The following VPS13C variants were observed in gnomAD, a reference collection of about 807,000 sequenced individuals.
VPS13C encodes intermembrane lipid transfer protein VPS13C.
A neutral mutation model predicts 456.8 loss-of-function variants in VPS13C; 358 were observed. The ratio of observed to expected loss-of-function variants is 0.78; its 90% CI spans 0.72 to 0.86. VPS13C has a LOEUF of 0.86. Among genes scored for constraint, VPS13C ranks in the 40% least tolerant of loss-of-function variants. The pLI is 0.00. For synonymous variants in VPS13C, 1,578 were observed against 1,486.7 expected (o/e 1.06, Z -1.41); for missense variants, 4,818 against 4,385.4 (o/e 1.10, Z -2.79).
rs2047315414 is a variant in VPS13C, at chr15:62,017,870, C to T, written c.684+2609G>A. Among the ~76,000 whole-genome samples, 4 of 152,178 alleles carry T rather than the reference C, an allele frequency of 2.6e-5. No individual in the cohort carries two copies. The South Asian group carries it at 6.2e-4, about 24-fold the overall frequency. On this transcript the variant is annotated intron_variant, in intron 9 of 84. Coordinates refer to ENST00000644861, the MANE Select transcript of VPS13C (RefSeq NM_020821.3). ...GGATGGCACTGAATCTATAAATTAT[C>T]TTGGGCAGTATGGCCATTTTCACGA...
intron 22 of VPS13C, among the ~76,000 whole-genome samples, 196 bp from the exon 23 acceptor site, chr15:61,978,945 C>T (rs1053129696): frequency 2.0e-5 from 3 of 152,152 alleles, no homozygotes; most frequent in African/African-American, 7.2e-5. Context: ...TACATCTCTA[C>T]TAAAGTTGAG....
chr15:61,901,560 A>T (rs1414136382), intron 66 of VPS13C, among the ~76,000 whole-genome samples: 2 of 152,230 alleles, frequency 1.3e-5, no homozygotes, highest in East Asian at 3.8e-4. Context: ...AACCCCAATG[A>T]GATACCATCT....
In VPS13C at chr15:61,870,655, A is replaced by C. The variant is rs148373023; in HGVS notation, c.10625-1032T>G. Reference sequence around the variant, plus strand: ...TTCTGGGTATAAACCTAGGAGTAGAATTGCTGGGACACATGGTGACTCTGT... The same window carrying C: ...TTCTGGGTATAAACCTAGGAGTAGACTTGCTGGGACACATGGTGACTCTGT... On this transcript the variant is annotated intron_variant, in intron 79 of 84. Transcript: ENST00000644861. 9.5e-4 allele frequency among the ~76,000 whole-genome samples: 144 copies of C among 152,278 alleles called. 1 individual carries two copies. Among genetic ancestry groups the C allele is most frequent in the African/African-American group, 3.4e-3 (141 of 41,546 alleles).
chr15:61,973,494 A>G lies in VPS13C; in HGVS notation c.2577T>C (p.Gly859=). 6.2e-7 allele frequency: 1 copy of G among 1,612,832 alleles called. No individual in the cohort carries two copies. Residue 859 remains glycine (G), a synonymous_variant, in exon 26 of 85, where the codon GGT becomes GGC. Transcript: ENST00000644861. The part of the protein sequence containing the change: ...SIPIISGGTK[G]LLGTSLLLDT... ...CTAGCAATAGTGAAGTACCAAGTAG[A>G]CCTTTTGTACCACCTGAAATAATAG...
At chr15:61,975,772 G>C (rs2045684503) in intron 24 of VPS13C, among the ~76,000 whole-genome samples, 1 of 151,956 alleles carries the variant, frequency 6.6e-6, no homozygotes, top group South Asian at 2.1e-4. Context: ...TCATTATCCT[G>C]ATACCAAAAC....
At chr15:61,884,051 G>A in intron 68 of VPS13C, 77 bp downstream of exon 68, 1 of 1,327,466 alleles carries the variant, frequency 7.5e-7, no homozygotes, top group Non-Finnish European at 1.0e-6. Context: ...GTCTTTACTT[G>A]GGCATTACAA....
intron 24 of VPS13C, among the ~76,000 whole-genome samples, chr15:61,976,174 A>C (rs1008784177): frequency 3.3e-5 from 5 of 151,980 alleles, no homozygotes; most frequent in Non-Finnish European, 1.5e-5. Flanking sequence ...TGGTCTTTGG[A>C]TTAGGGATGT....
chr15:61,930,988 C>T (rs2044034309), intron 50 of VPS13C, 102 bp downstream of exon 50: 1 of 1,350,464 alleles, frequency 7.4e-7, no homozygotes, highest in Non-Finnish European at 1.0e-6. Flanking sequence ...GACCAAAAGA[C>T]AGAGATCTTT....
At position 61,883,428 on chromosome 15, in the gene VPS13C, G is replaced by T. The variant is rs1459242112; in HGVS notation, c.9484-692C>A. ...AATTATATAGTTTTTTATCATTTAA[G>T]TATGGCCAAAATTGGTGGGGGTGCT... On this transcript the variant is annotated intron_variant, in intron 68 of 84. Coordinates refer to ENST00000644861, the MANE Select transcript of VPS13C (RefSeq NM_020821.3). Among the ~76,000 whole-genome samples the T allele has an allele frequency of 2.0e-5, 3 of 152,064 alleles. No individual in the cohort carries two copies. The East Asian group carries it at 5.8e-4, about 29-fold the overall frequency.
chr15:61,903,936 G>C (rs530592337), intron 66 of VPS13C, among the ~76,000 whole-genome samples: 22 of 152,232 alleles, frequency 1.4e-4, no homozygotes, highest in Admixed American at 3.3e-4. Flanking sequence ...TATGATGCAG[G>C]AGAATTAAAC....
intron 45 of VPS13C, among the ~76,000 whole-genome samples, chr15:61,944,290 T>C (rs1376852276): frequency 1.3e-5 from 2 of 152,152 alleles, no homozygotes; most frequent in Non-Finnish European, 2.9e-5. Flanking sequence ...ACTGGGTATA[T>C]AACCAAAAGA....
At chr15:61,998,784 T>A (rs1256170821) in intron 16 of VPS13C, among the ~76,000 whole-genome samples, 1 of 152,146 alleles carries the variant, frequency 6.6e-6, no homozygotes, top group African/African-American at 2.4e-5. Flanking sequence ...TGAGTACACT[T>A]ATACAAGGAT....
intron 1 of VPS13C, among the ~76,000 whole-genome samples, chr15:62,057,512 T>C (rs574393327): frequency 1.3e-5 from 2 of 152,336 alleles, no homozygotes; most frequent in South Asian, 4.1e-4. Context: ...TCGTGACTTC[T>C]AGCTTTATAG....
chr15:61,961,473 C>A (rs2045205142), intron 35 of VPS13C, 116 bp downstream of exon 35: 2 of 963,078 alleles, frequency 2.1e-6, no homozygotes, highest in South Asian at 2.0e-5. Flanking sequence ...AAAAACTGTT[C>A]CGTGTAATGG....
At chr15:61,974,661 G>A (rs1351735774) in intron 24 of VPS13C, among the ~76,000 whole-genome samples, 1 of 152,022 alleles carries the variant, frequency 6.6e-6, no homozygotes, top group Non-Finnish European at 1.5e-5. Context: ...TAATTTTTAG[G>A]AAAATCTTTC....
Position 61,969,687 on chromosome 15 carries a change from T to C in VPS13C, c.2758-235A>G, listed in dbSNP as rs139846280. Among the ~76,000 whole-genome samples, 631 of 152,312 alleles carry C rather than the reference T, an allele frequency of 4.1e-3. 3 individuals carry two copies. The highest frequency in any genetic ancestry group is 0.024 in the South Asian group (114 of 4,830). ...AGAATTTAACTTCATTGTTTACTTT[T>C]TCTAATTTAGTAAAATAGGAATGTA... On this transcript the variant is annotated intron_variant, in intron 27 of 84. Coordinates refer to ENST00000644861, the MANE Select transcript of VPS13C (RefSeq NM_020821.3).
chr15:61,909,154 G>T, intron 64 of VPS13C, 29 bp from the exon 65 acceptor site: 1 of 1,610,074 alleles, frequency 6.2e-7, no homozygotes, highest in South Asian at 1.1e-5. Context: ...AAGTATGTTT[G>T]ATGTACTGGT....
Position 61,974,280 on chromosome 15 carries a change from C to A in VPS13C, c.2538+8G>T, listed in dbSNP as rs1458738916. 5.0e-6 allele frequency: 8 copies of A among 1,608,568 alleles called. No homozygotes were observed. Among genetic ancestry groups the A allele is most frequent in the Non-Finnish European group, 6.8e-6 (8 of 1,177,160 alleles). On this transcript the variant is annotated splice_region_variant and intron_variant, in intron 25 of 84. Coordinates refer to ENST00000644861, the MANE Select transcript of VPS13C (RefSeq NM_020821.3). ...AATAGGGTTATACATTTTATTGTATCTATTTACCTGTCTCTCTGGAGACTG... is the reference window on the plus strand; with the variant it reads ...AATAGGGTTATACATTTTATTGTATATATTTACCTGTCTCTCTGGAGACTG...
intron 66 of VPS13C, among the ~76,000 whole-genome samples, chr15:61,902,895 A>G (rs1486326453): frequency 6.6e-6 from 1 of 151,638 alleles, no homozygotes; most frequent in Non-Finnish European, 1.5e-5. Flanking sequence ...AAAAAAAAAA[A>G]AAAGTCAAAT....
Sources: gnomAD v4.1 joint callset for allele counts (sites outside exome capture counted in the v4.1 genomes callset) on GRCh38, gnomAD v4.1.1 for gene constraint, MANE v1.5 for transcripts, NCBI Gene and HGNC (gene_info 2026-07-23, HGNC 2026-07-21) for gene names.